The following UBE2L6 variants were observed in gnomAD, a reference collection of about 807,000 sequenced individuals.
UBE2L6 encodes ubiquitin/ISG15-conjugating enzyme E2 L6.
Under a neutral mutation model 13.6 loss-of-function variants are expected in UBE2L6, and 11 were observed. That is an observed-to-expected ratio of 0.81 (90% CI 0.51 to 1.34). The LOEUF (loss-of-function observed/expected upper bound fraction) is 1.34, where lower values mean the gene tolerates loss of function less well. UBE2L6 is among the 40% of genes most tolerant of loss of function. The pLI is 0.00. For synonymous variants in UBE2L6, 74 were observed against 83.2 expected (o/e 0.89, Z 0.60); for missense variants, 197 against 199.5 (o/e 0.99, Z 0.07).
intron 1 of UBE2L6, among the ~76,000 whole-genome samples, chr11:57,563,827 A>G (rs1035709164): frequency 2.6e-5 from 4 of 151,818 alleles, no homozygotes; most frequent in African/African-American, 7.3e-5. Flanking sequence ...GTATGAACCC[A>G]GGAGGCAGAG....
chr11:57,566,951 C>CGCCCCGGGGACCCCA, intron 1 of UBE2L6: 1 of 159,116 alleles, frequency 6.3e-6, no homozygotes, highest in Non-Finnish European at 1.3e-5. Context: ...CTGCCCGCCC[C>CGCCCCGGGGACCCCA]CCCCCCCCTC....
At chr11:57,561,057 C>T (rs1445602664) in intron 1 of UBE2L6, among the ~76,000 whole-genome samples, 1 of 152,202 alleles carries the variant, frequency 6.6e-6, no homozygotes, top group Non-Finnish European at 1.5e-5. Flanking sequence ...GGAGGCTTTT[C>T]TCCTGAAAGC....
At chr11:57,554,741 C>T (rs910557179) in intron 2 of UBE2L6, 118 bp from the exon 3 acceptor site, 1 of 1,044,114 alleles carries the variant, frequency 9.6e-7, no homozygotes, top group Admixed American at 2.5e-5. Context: ...CCAGGACACA[C>T]ACAGCACCTG....
chr11:57,556,274 T>C (rs1401188340), intron 2 of UBE2L6, among the ~76,000 whole-genome samples: 1 of 152,144 alleles, frequency 6.6e-6, no homozygotes, highest in African/African-American at 2.4e-5. Flanking sequence ...GATTCGGCTC[T>C]GACACTCACT....
Position 57,552,428 on chromosome 11 carries a change from T to G in UBE2L6, c.392A>C (p.Gln131Pro). 1 of 1,614,210 alleles carries G rather than the reference T, an allele frequency of 6.2e-7. No homozygotes were observed. The highest frequency in any genetic ancestry group is 8.5e-7 in the Non-Finnish European group (1 of 1,180,028). The change falls in exon 4 of 4, where the codon CAG (glutamine) becomes CCG (proline). Residue 131 changes from glutamine to proline, a missense_variant. Transcript: ENST00000287156. ...ATTCTTTCTGAACAGCTCCGGATTC[T>G]GTGTCAGCAGGTCAGCGAGGTCCAT... ...LRMDLADLLT[Q>P]NPELFRKNAE...
chr11:57,552,330 T>C lies in UBE2L6; in HGVS notation c.*28A>G, dbSNP rs779524373. On this transcript the variant is annotated 3_prime_UTR_variant, in exon 4 of 4. Coordinates refer to ENST00000287156, the MANE Select transcript of UBE2L6 (RefSeq NM_004223.5). ...GTGTGTCCGTCCGCTATGCCGAGGA[T>C]CCAGTGCACAGAGGGTCAGAACATG... The C allele has an allele frequency of 1.2e-6, 2 of 1,613,086 alleles. No individual in the cohort carries two copies. The highest frequency in any genetic ancestry group is 1.7e-6 in the Non-Finnish European group (2 of 1,179,298).
rs761200407 is a variant in UBE2L6 at position 57,567,568 on chromosome 11, A to G, written c.27+17T>C. On this transcript the variant is annotated intron_variant, in intron 1 of 3. Transcript: ENST00000287156. ...CGAGGGGAGCCAAGAGAAAGGGGTC[A>G]TCCTATACGCGGTTACCTTCACCAC... 4.4e-6 allele frequency: 7 copies of G among 1,606,604 alleles called. No individual in the cohort carries two copies. The Middle Eastern group carries it at 5.0e-4, about 114-fold the overall frequency.
At chr11:57,553,825 T>C (rs77540662) in intron 3 of UBE2L6, among the ~76,000 whole-genome samples, 14,447 of 152,062 alleles carry the variant, frequency 0.095, 770 homozygotes, top group Middle Eastern at 0.23. Flanking sequence ...GACTCTGTCT[T>C]AAAAAAGAAA....
intron 1 of UBE2L6, among the ~76,000 whole-genome samples, chr11:57,564,716 T>A (rs537710145): frequency 6.6e-6 from 1 of 151,906 alleles, no homozygotes; most frequent in South Asian, 2.1e-4. Context: ...GGTAAGAGAA[T>A]CACTTGAACC....
intron 1 of UBE2L6, chr11:57,566,924 C>G (rs1260694187): frequency 2.3e-6 from 1 of 440,362 alleles, no homozygotes; most frequent in Admixed American, 2.4e-5. Context: ...CAACAAGGGC[C>G]GGATTTGTGT....
intron 3 of UBE2L6, 41 bp from the exon 4 acceptor site, chr11:57,552,550 G>T: frequency 1.2e-6 from 2 of 1,611,542 alleles, no homozygotes; most frequent in Non-Finnish European, 1.7e-6. Context: ...AGGGCAGAGG[G>T]AAGGGAGTCA....
At chr11:57,560,258 C>T (rs1007240771) in intron 2 of UBE2L6, 79 bp downstream of exon 2, 13 of 1,153,422 alleles carry the variant, frequency 1.1e-5, no homozygotes, top group Middle Eastern at 1.9e-4. Flanking sequence ...AAAATTCTTG[C>T]CTAGTCCTAA....
chr11:57,554,405 C>A (rs1157508117), intron 3 of UBE2L6, 32 bp downstream of exon 3: 1 of 1,609,096 alleles, frequency 6.2e-7, no homozygotes, highest in African/African-American at 1.3e-5. Flanking sequence ...TACCCAGTAT[C>A]AGTCCCTCCT....
At chr11:57,558,076 T>A (rs905207992) in intron 2 of UBE2L6, among the ~76,000 whole-genome samples, 2 of 152,124 alleles carry the variant, frequency 1.3e-5, no homozygotes, top group Admixed American at 6.5e-5. Context: ...TTTTGCTACT[T>A]TATTTTGTTT....
intron 2 of UBE2L6, among the ~76,000 whole-genome samples, chr11:57,559,473 T>TA (rs1404331282): frequency 6.6e-6 from 1 of 152,078 alleles, no homozygotes; most frequent in Non-Finnish European, 1.5e-5. Flanking sequence ...TAGCCAGGCA[T>TA]AGTGGCACGT....
intron 1 of UBE2L6, 24 bp from the exon 2 acceptor site, chr11:57,560,456 G>A (rs756995812): frequency 1.4e-5 from 22 of 1,572,550 alleles, no homozygotes; most frequent in Non-Finnish European, 1.9e-5. Flanking sequence ...AAGTGAGTGG[G>A]CAGTTGGCCT....
At chr11:57,554,800 A>G (rs1271386932) in intron 2 of UBE2L6, among the ~76,000 whole-genome samples, 177 bp from the exon 3 acceptor site, 1 of 152,218 alleles carries the variant, frequency 6.6e-6, no homozygotes, top group Non-Finnish European at 1.5e-5. Flanking sequence ...TGAAATCACC[A>G]AAGGGCACTG....
intron 2 of UBE2L6, among the ~76,000 whole-genome samples, chr11:57,557,933 A>G (rs879611521): frequency 6.6e-6 from 1 of 152,212 alleles, no homozygotes; most frequent in Non-Finnish European, 1.5e-5. Context: ...GGCTTGCTGT[A>G]TGACTGAGCT....
intron 1 of UBE2L6, among the ~76,000 whole-genome samples, chr11:57,561,476 C>A (rs901785562): frequency 2.0e-5 from 3 of 151,888 alleles, no homozygotes; most frequent in Non-Finnish European, 4.4e-5. Context: ...TATGGATATA[C>A]GGTAAGGAAG....
Sources: allele counts gnomAD v4.1 joint callset (sites outside exome capture counted in the v4.1 genomes callset), GRCh38; gene constraint gnomAD v4.1.1; transcripts MANE v1.5; gene names NCBI Gene and HGNC (gene_info 2026-07-23, HGNC 2026-07-21).